NLRC5: variants seen among roughly 807,000 people sequenced by gnomAD.
The protein encoded by NLRC5 is NLR family CARD domain containing 5.
A neutral mutation model predicts 206.9 loss-of-function variants in NLRC5; 114 were observed. The observed-to-expected ratio is 0.55, with a 90% CI of 0.47 to 0.64. The LOEUF (loss-of-function observed/expected upper bound fraction) is 0.64. Ranked by LOEUF, NLRC5 falls within the 30% of genes least tolerant of loss-of-function variation. NLRC5 has a pLI of 0.00. For missense variants in NLRC5, 2,008 were observed against 2,305.5 expected (o/e 0.87, Z 2.64); for synonymous variants, 952 against 962.8 (o/e 0.99, Z 0.21).
chr16:57,041,161 A>T (rs116424316), intron 17 of NLRC5, among the ~76,000 whole-genome samples: 128 of 151,284 alleles, frequency 8.5e-4, no homozygotes, highest in African/African-American at 2.9e-3. Flanking sequence ...TCCCTCTCTC[A>T]TCGTGTATTT....
In NLRC5 at chr16:57,027,035, G is replaced by A. The variant is rs148949499; in HGVS notation, c.2075+17G>A. On this transcript the variant is annotated intron_variant, in intron 6 of 48. Coordinates refer to ENST00000688547, the MANE Select transcript of NLRC5 (RefSeq NM_001384950.1). Reference sequence around the variant, plus strand: ...GAATCTCAGGTGAGTAAGAGTGGAGGAGGACCGGGGAGGGGATTGGGCTTT... The same window carrying A: ...GAATCTCAGGTGAGTAAGAGTGGAGAAGGACCGGGGAGGGGATTGGGCTTT... 14,859 of 1,603,282 alleles carry A rather than the reference G, an allele frequency of 9.3e-3. 84 individuals are homozygous for A. The highest frequency in any genetic ancestry group is 0.035 in the Middle Eastern group (210 of 5,990).
chr16:57,016,741 C>G (rs2060140154), intron 1 of NLRC5, among the ~76,000 whole-genome samples: 1 of 152,164 alleles, frequency 6.6e-6, no homozygotes, highest in Admixed American at 6.5e-5. Context: ...AATAAATGAG[C>G]AGTAATAACT....
At chr16:57,045,174 A>G in intron 20 of NLRC5, 1 of 420,634 alleles carries the variant, frequency 2.4e-6, no homozygotes, top group Non-Finnish European at 4.5e-6. Flanking sequence ...ACCACTGCAC[A>G]CCAGCCTGGG....
In NLRC5 at chr16:57,039,859, G is replaced by T. The variant is rs373141714; in HGVS notation, c.2870+10G>T. 6.2e-7 allele frequency: 1 copy of T among 1,610,328 alleles called. No individual in the cohort carries two copies. The highest frequency in any genetic ancestry group is 8.5e-7 in the Non-Finnish European group (1 of 1,176,624). On this transcript the variant is annotated intron_variant, in intron 16 of 48. Transcript: ENST00000688547. ...AGGGGCCCCAGGAGAGGTAGGGCCC[G>T]ATTTCACCCCAACTCCATGCTCAGT...
At chr16:57,023,966 CTT>C in intron 5 of NLRC5, 113 bp downstream of exon 5, 1 of 950,640 alleles carries the variant, frequency 1.1e-6, no homozygotes, top group Non-Finnish European at 1.6e-6. Context: ...CCCAGTGACT[CTT>C]GTCTCGCAAG....
rs146493140 is a variant in NLRC5 at position 57,029,355 on chromosome 16, G to T, written c.2244-418G>T. On this transcript the variant is annotated intron_variant, in intron 8 of 48. Transcript: ENST00000688547. Reference sequence around the variant, plus strand: ...CAGAGAGGAATGCGCTTGGCTCAGGGCTCTGGGTGAGTCAGGGCCACAGCC... The same window carrying T: ...CAGAGAGGAATGCGCTTGGCTCAGGTCTCTGGGTGAGTCAGGGCCACAGCC... Among the ~76,000 whole-genome samples the T allele has an allele frequency of 4.3e-3, 652 of 152,296 alleles. 2 individuals carry two copies. The highest frequency in any genetic ancestry group is 7.4e-3 in the Non-Finnish European group (500 of 68,020).
At chr16:57,052,487 GA>G (rs1166595258) in intron 24 of NLRC5, 6 of 151,270 alleles carry the variant, frequency 4.0e-5, no homozygotes, top group African/African-American at 7.3e-5. Context: ...AAAAAAAAAA[GA>G]AAAAAAGAAA....
At chr16:57,052,162 C>T (rs62037272) in intron 24 of NLRC5, among the ~76,000 whole-genome samples, 3 of 152,198 alleles carry the variant, frequency 2.0e-5, no homozygotes, top group Non-Finnish European at 4.4e-5. Flanking sequence ...AATTTCAGCT[C>T]AGACTGGTTA....
chr16:57,045,646 A>G (rs2063848231), intron 21 of NLRC5, among the ~76,000 whole-genome samples, 154 bp downstream of exon 21: 1 of 148,194 alleles, frequency 6.7e-6, no homozygotes. Flanking sequence ...TTCAGTAACC[A>G]CCGCCCCCCC....
At chr16:57,061,930 A>AAAAGAAAG (rs71383216) in intron 32 of NLRC5, 2 of 1,517,186 alleles carry the variant, frequency 1.3e-6, no homozygotes, top group South Asian at 1.2e-5. Context: ...ATTTAAGAAA[A>AAAAGAAAG]AAAGAAAGAA....
intron 15 of NLRC5, among the ~76,000 whole-genome samples, chr16:57,037,539 C>T (rs1472809922): frequency 1.3e-5 from 2 of 152,130 alleles, no homozygotes; most frequent in Admixed American, 6.5e-5. Context: ...CCCACTTTCC[C>T]CTAACCTAGA....
intron 11 of NLRC5, among the ~76,000 whole-genome samples, chr16:57,032,715 G>A (rs1256732760): frequency 6.6e-6 from 1 of 151,838 alleles, no homozygotes; most frequent in Non-Finnish European, 1.5e-5. Flanking sequence ...CTATTAAACA[G>A]GCTGGCATGG....
Position 57,037,882 on chromosome 16 carries a change from G to A in NLRC5, c.2801+598G>A, listed in dbSNP as rs182473821. ...AAAGCCTCATTCTCAACCCAGTAGG[G>A]TGGTCCCTGCTTTAAACACCCCTCA... On this transcript the variant is annotated intron_variant, in intron 15 of 48. Coordinates refer to ENST00000688547, the MANE Select transcript of NLRC5 (RefSeq NM_001384950.1). 7.7e-4 allele frequency among the ~76,000 whole-genome samples: 117 copies of A among 152,252 alleles called. 1 individual carries two copies. The highest frequency in any genetic ancestry group is 8.2e-4 in the Non-Finnish European group (56 of 68,034).
In NLRC5 at chr16:57,066,634, A is replaced by AC. The variant is rs767465553; in HGVS notation, c.4322+24dup. On this transcript the variant is annotated intron_variant, in intron 34 of 48. Coordinates refer to ENST00000688547, the MANE Select transcript of NLRC5 (RefSeq NM_001384950.1). The stretch of plus-strand genomic sequence containing the variant: ...ACTCAGGTGGGACCCAGCACCAGGG[A>AC]CCCCAAGGCAGGGGCTGGTGTTGGG... 2.5e-6 allele frequency: 4 copies of AC among 1,606,460 alleles called. No individual in the cohort carries two copies. The highest frequency in any genetic ancestry group is 2.7e-5 in the African/African-American group (2 of 74,694).
chr16:57,046,942 G>A (rs1312152101), intron 22 of NLRC5, among the ~76,000 whole-genome samples: 1 of 152,158 alleles, frequency 6.6e-6, no homozygotes, highest in African/African-American at 2.4e-5. Flanking sequence ...TCTGCTCTGG[G>A]GGACACCCAC....
At chr16:57,021,886 CG>C (rs1597199734) in intron 3 of NLRC5, among the ~76,000 whole-genome samples, 1 of 152,030 alleles carries the variant, frequency 6.6e-6, no homozygotes, top group Non-Finnish European at 1.5e-5. Flanking sequence ...GTGGGAATTG[CG>C]GGGGGCGGGG....
chr16:57,046,656 CT>C lies in NLRC5; in HGVS notation c.3338+17del. ...AGGAGCCTCTGGTACTGTCCCAGCC[CT>C]TCTTGTTTGGGGGTAACCATAATAG... On this transcript the variant is annotated intron_variant, in intron 22 of 48. Coordinates refer to ENST00000688547, the MANE Select transcript of NLRC5 (RefSeq NM_001384950.1). The C allele has an allele frequency of 6.2e-7, 1 of 1,609,766 alleles. No homozygotes were observed. The highest frequency in any genetic ancestry group is 8.5e-7 in the Non-Finnish European group (1 of 1,176,692).
chr16:57,003,878 G>A (rs1252800317), intron 1 of NLRC5: 1 of 152,194 alleles, frequency 6.6e-6, no homozygotes, highest in Non-Finnish European at 1.5e-5. Flanking sequence ...GAGGTACGAA[G>A]AGGCTGCGTA....
chr16:57,078,564 C>T (rs772854479), intron 43 of NLRC5, among the ~76,000 whole-genome samples: 2 of 151,308 alleles, frequency 1.3e-5, no homozygotes, highest in African/African-American at 2.4e-5. Context: ...CTCCACCTCC[C>T]GGGTTCAAGC....
Sources: gnomAD v4.1 joint callset for allele counts (sites outside exome capture counted in the v4.1 genomes callset) on GRCh38, gnomAD v4.1.1 for gene constraint, MANE v1.5 for transcripts, NCBI Gene and HGNC (gene_info 2026-07-23, HGNC 2026-07-21) for gene names.